Variants in ERBB4 observed in about 807,000 individuals in gnomAD.
ERBB4 encodes erb-b2 receptor tyrosine kinase 4.
ERBB4 carries 42 observed loss-of-function variants against 158.0 expected under a neutral mutation model. The observed-to-expected ratio is 0.27, with a 90% confidence interval of 0.21 to 0.34. The LOEUF (loss-of-function observed/expected upper bound fraction) is 0.34. Ranked by LOEUF, ERBB4 falls within the 10% of genes least tolerant of loss-of-function variation. The probability of loss-of-function intolerance (pLI) is 1.00; values close to 1 mark genes in which losing one functional copy is unlikely to be tolerated. For missense variants in ERBB4, 1,333 were observed against 1,624.1 expected (o/e 0.82, Z 3.08); for synonymous variants, 583 against 558.7 (o/e 1.04, Z -0.61).
intron 2 of ERBB4, among the ~76,000 whole-genome samples, chr2:212,111,132 C>G (rs905258236): frequency 6.6e-6 from 1 of 152,168 alleles, no homozygotes; most frequent in Non-Finnish European, 1.5e-5. Flanking sequence ...ACTGCCTGGA[C>G]GACACATCTG....
At chr2:212,416,981 C>T (rs547435826) in intron 1 of ERBB4, among the ~76,000 whole-genome samples, 28 of 152,082 alleles carry the variant, frequency 1.8e-4, no homozygotes. Context: ...AAATTACTTT[C>T]CTACAGGGAA....
At chr2:211,875,096 GT>G (rs71054147) in intron 3 of ERBB4, among the ~76,000 whole-genome samples, 2,729 of 129,376 alleles carry the variant, frequency 0.021, 70 homozygotes, top group African/African-American at 0.069. Context: ...TGCAGATAAC[GT>G]TTTTTTTTTT....
intron 20 of ERBB4, among the ~76,000 whole-genome samples, chr2:211,536,450 G>GTCT: frequency 6.6e-6 from 1 of 152,058 alleles, no homozygotes; most frequent in East Asian, 1.9e-4. Flanking sequence ...GAAGAGGCAG[G>GTCT]TCTTCAGACA....
rs532664068 is a variant in ERBB4, at chr2:212,537,122, T to C, written c.82+1327A>G. Among the ~76,000 whole-genome samples, 24 of 125,212 alleles carry C rather than the reference T, an allele frequency of 1.9e-4. No individual in the cohort carries two copies. In the East Asian group the frequency reaches 4.6e-3, roughly 24 times the overall value. The allele number at this position is 125,212 out of a possible 152,430, so 82.1% of individuals were successfully genotyped here. On this transcript the variant is annotated intron_variant, in intron 1 of 27. Coordinates refer to ENST00000342788, the MANE Select transcript of ERBB4 (RefSeq NM_005235.3). ...TCGATAATTGTAACTTGTTATTTACTAGGCAAAGGAGGCGGCGGCGGCGGC... is the reference window on the plus strand; with the variant it reads ...TCGATAATTGTAACTTGTTATTTACCAGGCAAAGGAGGCGGCGGCGGCGGC...
rs750908259 is a variant in ERBB4, at chr2:211,665,361, A to T, written c.1833T>A (p.Asp611Glu). The change falls in exon 15 of 28, where the codon GAT becomes GAA. Residue 611 changes from aspartate to glutamate, a missense_variant. Transcript: ENST00000342788. ...TTGGATGGCATGGGTGGCACTCCCG[A>T]TCTGGATCAGCATACTTGAAAATGA... ...NSFIFKYADP[D>E]RECHPCHPNC... 4 of 1,614,170 alleles carry T rather than the reference A, an allele frequency of 2.5e-6. No homozygotes were observed. The highest frequency in any genetic ancestry group is 2.5e-6 in the Non-Finnish European group (3 of 1,180,040).
chr2:212,002,448 T>G lies in ERBB4; in HGVS notation c.235-54832A>C, dbSNP rs1394184208. ...GATTATAACTCTATTCCCAGACCTA[T>G]TCTCTTGTGGTGGGCAGAGGACAAC... On this transcript the variant is annotated intron_variant, in intron 2 of 27. Transcript: ENST00000342788. Among the ~76,000 whole-genome samples the G allele has an allele frequency of 2.0e-5, 3 of 152,150 alleles. No individual in the cohort carries two copies. In the East Asian group the frequency reaches 5.8e-4, roughly 29 times the overall value.
intron 1 of ERBB4, among the ~76,000 whole-genome samples, chr2:212,442,861 A>G (rs1195025638): frequency 1.3e-5 from 2 of 152,184 alleles, no homozygotes; most frequent in Non-Finnish European, 2.9e-5. Flanking sequence ...TAGCGCCACC[A>G]TCAAGGACTT....
At chr2:212,358,427 A>T (rs892173232) in intron 1 of ERBB4, among the ~76,000 whole-genome samples, 1 of 151,790 alleles carries the variant, frequency 6.6e-6, no homozygotes. Flanking sequence ...ACACTTGTAC[A>T]GTAGACAAAT....
At chr2:211,783,316 G>A (rs1240090792) in intron 4 of ERBB4, among the ~76,000 whole-genome samples, 1 of 152,136 alleles carries the variant, frequency 6.6e-6, no homozygotes, top group African/African-American at 2.4e-5. Context: ...ATCTGCAAAC[G>A]GGACAATTAG....
chr2:211,808,525 C>T (rs1281056705), intron 3 of ERBB4, among the ~76,000 whole-genome samples: 1 of 152,152 alleles, frequency 6.6e-6, no homozygotes, highest in Non-Finnish European at 1.5e-5. Context: ...GTTTTGGTTA[C>T]TATAGCCTTG....
At chr2:211,785,415 A>G (rs1295220989) in intron 4 of ERBB4, among the ~76,000 whole-genome samples, 1 of 152,080 alleles carries the variant, frequency 6.6e-6, no homozygotes, top group African/African-American at 2.4e-5. Context: ...AGACGTTTTT[A>G]AGTTTAATAT....
intron 3 of ERBB4, among the ~76,000 whole-genome samples, chr2:211,891,653 C>T (rs1399710351): frequency 0.018 from 2,040 of 113,280 alleles, 194 homozygotes; most frequent in African/African-American, 0.074. Flanking sequence ...AATTGATAGA[C>T]CACTAGCAAG....
chr2:212,104,510 G>A (rs1047341078), intron 2 of ERBB4, among the ~76,000 whole-genome samples: 1 of 151,874 alleles, frequency 6.6e-6, no homozygotes, highest in Admixed American at 6.6e-5. Flanking sequence ...CATGTCTAAC[G>A]AATGCTAGTT....
intron 19 of ERBB4, among the ~76,000 whole-genome samples, chr2:211,596,293 A>T (rs1195016710): frequency 6.6e-6 from 1 of 152,202 alleles, no homozygotes; most frequent in Non-Finnish European, 1.5e-5. Context: ...ATGTCCAATA[A>T]AGAGGAAGTA....
chr2:211,992,580 A>AAC (rs2082105649), intron 2 of ERBB4, among the ~76,000 whole-genome samples: 1 of 151,594 alleles, frequency 6.6e-6, no homozygotes, highest in Admixed American at 6.6e-5. Flanking sequence ...AAAAAAAAAA[A>AAC]ACATGAGTTT....
chr2:211,669,274 T>C (rs1032127268), intron 14 of ERBB4, among the ~76,000 whole-genome samples: 1 of 150,068 alleles, frequency 6.7e-6, no homozygotes, highest in Non-Finnish European at 1.5e-5. Context: ...CTATGTACTT[T>C]ACATGAAAAA....
intron 1 of ERBB4, among the ~76,000 whole-genome samples, chr2:212,154,559 C>T (rs774782950): frequency 6.6e-6 from 1 of 152,126 alleles, no homozygotes; most frequent in Non-Finnish European, 1.5e-5. Flanking sequence ...AGGCTAGTTA[C>T]TGTTGAGTGG....
At chr2:211,635,506 TGCA>T (rs2070324053) in intron 16 of ERBB4, among the ~76,000 whole-genome samples, 1 of 152,176 alleles carries the variant, frequency 6.6e-6, no homozygotes, top group Non-Finnish European at 1.5e-5. Flanking sequence ...ATTTCTCTCA[TGCA>T]GAATATAAAA....
At chr2:211,785,788 GT>G (rs1394516025) in intron 4 of ERBB4, among the ~76,000 whole-genome samples, 1 of 151,904 alleles carries the variant, frequency 6.6e-6, no homozygotes, top group Non-Finnish European at 1.5e-5. Flanking sequence ...ACTATATTAG[GT>G]ATCTGTTTCT....
Sources: allele counts gnomAD v4.1 joint callset (sites outside exome capture counted in the v4.1 genomes callset), GRCh38; gene constraint gnomAD v4.1.1; transcripts MANE v1.5; gene names NCBI Gene and HGNC (gene_info 2026-07-23, HGNC 2026-07-21).